MAF: variants seen among roughly 807,000 people sequenced by gnomAD.
MAF encodes MAF bZIP transcription factor, also known as transcription factor Maf.
Under a neutral mutation model 22.0 loss-of-function variants are expected in MAF, and 10 were observed. That is an observed-to-expected ratio of 0.45 (90% CI 0.28 to 0.77). The LOEUF is 0.77. MAF is among the 30% of genes least tolerant of loss of function. The pLI, the probability that MAF is intolerant of heterozygous loss-of-function variation, is 0.12. For missense variants in MAF, 544 were observed against 548.4 expected, an observed-to-expected ratio of 0.99 and a Z score of 0.08; for synonymous variants, 337 against 255.8, an observed-to-expected ratio of 1.32 and a Z score of -3.03.
the MAF span, among the ~76,000 whole-genome samples, chr16:79,390,582 C>T: frequency 2.6e-5 from 4 of 152,236 alleles, no homozygotes; most frequent in South Asian, 8.3e-4. Flanking sequence ...GCTCTGAAAA[C>T]CAATTATGAA....
the MAF span, among the ~76,000 whole-genome samples, chr16:79,210,544 T>A: frequency 2.0e-5 from 3 of 152,158 alleles, no homozygotes; most frequent in Non-Finnish European, 4.4e-5. Context: ...TCAGTTACCT[T>A]TTCCGGTCCT....
chr16:79,600,698 A>G lies in MAF; in HGVS notation c.-796T>C, dbSNP rs1298579552. 5.1e-6 allele frequency: 1 copy of G among 195,160 alleles called. No individual in the cohort carries two copies. The highest frequency in any genetic ancestry group is 9.1e-5 in the East Asian group (1 of 11,016). 12.1% of individuals were successfully genotyped at this position (195,160 alleles called of 1,614,324 possible). On this transcript the variant is annotated 5_prime_UTR_variant, in exon 1 of 2. Transcript: ENST00000326043. Reference sequence around the variant, plus strand: ...CCGACAAGCAGCCCGAGCTACAGCTAGAAGATGAAAAAAGATTTTAAAGCC... The same window carrying G: ...CCGACAAGCAGCCCGAGCTACAGCTGGAAGATGAAAAAAGATTTTAAAGCC...
the MAF span, among the ~76,000 whole-genome samples, chr16:79,238,223 G>A: frequency 6.6e-6 from 1 of 152,058 alleles, no homozygotes; most frequent in Non-Finnish European, 1.5e-5. Context: ...AACTGCAGAA[G>A]ATGATGGCTT....
the MAF span, among the ~76,000 whole-genome samples, chr16:79,364,839 T>G: frequency 6.6e-6 from 1 of 152,210 alleles, no homozygotes; most frequent in Non-Finnish European, 1.5e-5. Flanking sequence ...AAACCCAGTT[T>G]AAACTCTTCT....
the MAF span, among the ~76,000 whole-genome samples, chr16:79,542,293 G>T: frequency 6.6e-6 from 1 of 152,164 alleles, no homozygotes; most frequent in Non-Finnish European, 1.5e-5. Context: ...GCGGTTCTCA[G>T]CCAGTGGTGG....
At chr16:79,467,318 C>T in the MAF span, among the ~76,000 whole-genome samples, 13 of 152,184 alleles carry the variant, frequency 8.5e-5, no homozygotes, top group African/African-American at 3.1e-4. Flanking sequence ...ATGTGTACTG[C>T]CTCACACCCT....
the MAF span, among the ~76,000 whole-genome samples, chr16:79,499,035 T>A: frequency 6.6e-6 from 1 of 152,122 alleles, no homozygotes; most frequent in African/African-American, 2.4e-5. Flanking sequence ...CCTCCCCAGA[T>A]AGACAAGGTA....
At chr16:79,484,246 C>T in the MAF span, among the ~76,000 whole-genome samples, 1 of 152,214 alleles carries the variant, frequency 6.6e-6, no homozygotes, top group African/African-American at 2.4e-5. Context: ...ACTGAATGCC[C>T]TCCGTCTTCT....
the MAF span, chr16:79,204,868 A>G: frequency 6.6e-6 from 1 of 152,106 alleles, no homozygotes; most frequent in Non-Finnish European, 1.5e-5. Context: ...GTTCCTGCAA[A>G]TATTTCACAG....
the MAF span, among the ~76,000 whole-genome samples, chr16:79,456,384 A>G: frequency 6.6e-6 from 1 of 152,280 alleles, no homozygotes; most frequent in Non-Finnish European, 1.5e-5. Flanking sequence ...GGATAGAAAT[A>G]CGCCCATTCT....
the MAF span, among the ~76,000 whole-genome samples, chr16:79,376,772 G>C: frequency 3.0e-4 from 45 of 152,284 alleles, no homozygotes; most frequent in African/African-American, 7.9e-4. Context: ...AGAACACGTG[G>C]TGTTTGTTTT....
At chr16:79,298,886 GCAGA>G in the MAF span, among the ~76,000 whole-genome samples, 2 of 152,224 alleles carry the variant, frequency 1.3e-5, no homozygotes, top group Admixed American at 6.5e-5. Context: ...GCAAGTTCTG[GCAGA>G]CAGGCCTCCA....
chr16:79,311,294 G>T, the MAF span, among the ~76,000 whole-genome samples: 825 of 152,032 alleles, frequency 5.4e-3, 2 homozygotes, highest in Non-Finnish European at 8.3e-3. Flanking sequence ...GCTTGAGTTT[G>T]CACCTTCTGG....
intron 1 of MAF, among the ~76,000 whole-genome samples, chr16:79,588,625 C>A (rs1000253595): frequency 1.3e-5 from 2 of 151,878 alleles, no homozygotes; most frequent in African/African-American, 2.4e-5. Flanking sequence ...CCACGTCCTG[C>A]TAACTTATGT....
At chr16:79,332,930 G>A in the MAF span, among the ~76,000 whole-genome samples, 2 of 152,198 alleles carry the variant, frequency 1.3e-5, no homozygotes, top group African/African-American at 2.4e-5. Flanking sequence ...AGGTGCTGCT[G>A]ACTTTAAAGT....
At chr16:79,244,044 T>C in the MAF span, among the ~76,000 whole-genome samples, 1 of 152,132 alleles carries the variant, frequency 6.6e-6, no homozygotes, top group Admixed American at 6.6e-5. Context: ...CTCAATAAAC[T>C]AGGTATTGAT....
At chr16:79,553,730 A>G in the MAF span, among the ~76,000 whole-genome samples, 1 of 152,068 alleles carries the variant, frequency 6.6e-6, no homozygotes, top group Non-Finnish European at 1.5e-5. Flanking sequence ...GAAAAACATC[A>G]CGGTTCTACA....
At chr16:79,376,596 A>G in the MAF span, among the ~76,000 whole-genome samples, 1 of 152,118 alleles carries the variant, frequency 6.6e-6, no homozygotes, top group African/African-American at 2.4e-5. Context: ...TTACATATGT[A>G]TACATGTGCC....
the MAF span, among the ~76,000 whole-genome samples, chr16:79,257,785 C>G: frequency 6.6e-6 from 1 of 152,180 alleles, no homozygotes; most frequent in African/African-American, 2.4e-5. Context: ...AAGAAGAACA[C>G]TCATGACATG....
Sources: allele counts gnomAD v4.1 joint callset (sites outside exome capture counted in the v4.1 genomes callset), GRCh38; gene constraint gnomAD v4.1.1; transcripts MANE v1.5; gene names NCBI Gene and HGNC (gene_info 2026-07-23, HGNC 2026-07-21).